AKAP8: variants seen among roughly 807,000 people sequenced by gnomAD.
The protein encoded by AKAP8 is A-kinase anchor protein 8.
Under a neutral mutation model 67.5 loss-of-function variants are expected in AKAP8, and 24 were observed. The observed-to-expected ratio is 0.36, with a 90% CI of 0.26 to 0.50. AKAP8 has a LOEUF of 0.50. Among genes scored for constraint, AKAP8 ranks in the 20% least tolerant of loss-of-function variants. The probability of loss-of-function intolerance (pLI) is 0.97; values close to 1 mark genes in which losing one functional copy is unlikely to be tolerated. For missense variants in AKAP8, 971 were observed against 955.9 expected, an observed-to-expected ratio of 1.02 and a Z score of -0.21; for synonymous variants, 400 against 371.1, an observed-to-expected ratio of 1.08 and a Z score of -0.90.
chr19:15,360,149 A>C (rs1240517529), intron 12 of AKAP8, among the ~76,000 whole-genome samples: 1 of 152,146 alleles, frequency 6.6e-6, no homozygotes, highest in Non-Finnish European at 1.5e-5. Context: ...AAAACAAAAA[A>C]ACAAAAACGT....
At chr19:15,365,806 T>C (rs1599563127) in intron 9 of AKAP8, among the ~76,000 whole-genome samples, 3 of 152,116 alleles carry the variant, frequency 2.0e-5, no homozygotes, top group Non-Finnish European at 2.9e-5. Context: ...GTGGATCACC[T>C]GAGGTCAGGA....
Position 15,369,814 on chromosome 19 carries a change from GCA to G in AKAP8, c.1072+330_1072+331del, listed in dbSNP as rs960925526. Among the ~76,000 whole-genome samples, 1 of 152,206 alleles carries G rather than the reference GCA, an allele frequency of 6.6e-6. No homozygotes were observed. Among genetic ancestry groups the G allele is most frequent in the African/African-American group, 2.4e-5 (1 of 41,448 alleles). The stretch of plus-strand genomic sequence containing the variant: ...CAGGGAAATGCACTGGCCGAGGAGG[GCA>G]CAGAAGATGGGCTGGGGGCCTCTTC... On this transcript the variant is annotated intron_variant, in intron 8 of 13. Coordinates refer to ENST00000269701, the MANE Select transcript of AKAP8 (RefSeq NM_005858.4). This position sits in a 1 kb window ranked among gnomAD's most constrained non-coding sequence, Gnocchi z 4.6.
At chr19:15,358,465 G>A (rs1188050940) in intron 13 of AKAP8, among the ~76,000 whole-genome samples, 1 of 151,634 alleles carries the variant, frequency 6.6e-6, no homozygotes, top group Non-Finnish European at 1.5e-5. Context: ...TCCTGCCTCA[G>A]CCTCCCAAAC....
intron 13 of AKAP8, among the ~76,000 whole-genome samples, chr19:15,357,058 AAG>A: frequency 6.6e-6 from 1 of 151,994 alleles, no homozygotes; most frequent in Non-Finnish European, 1.5e-5. Context: ...TCCCGGATTC[AAG>A]CAATTCACTG....
intron 2 of AKAP8, among the ~76,000 whole-genome samples, chr19:15,375,958 T>C (rs1282580775): frequency 6.9e-6 from 1 of 145,102 alleles, no homozygotes; most frequent in Non-Finnish European, 1.5e-5. Context: ...TGAGACAGGG[T>C]CGTGCTCTGT....
At chr19:15,377,964 G>C (rs928890462) in intron 1 of AKAP8, among the ~76,000 whole-genome samples, 7 of 152,164 alleles carry the variant, frequency 4.6e-5, no homozygotes, top group African/African-American at 1.7e-4. Context: ...CCAGCACTGA[G>C]CTGCGCGCGG....
rs576285040 is a variant in AKAP8 at position 15,355,223 on chromosome 19, C to T, written c.1771G>A (p.Gly591Arg). Reference protein sequence around the residue: ...VITAAVRAVDGEGAPAPESSG... With the variant: ...VITAAVRAVDREGAPAPESSG... Reference sequence around the variant, plus strand: ...CTCTCTGGAGCGGGCGCTCCTTCCCCATCTACGGCCCTCACTGCTGCTGTA... The same window carrying T: ...CTCTCTGGAGCGGGCGCTCCTTCCCTATCTACGGCCCTCACTGCTGCTGTA... The change falls in exon 14 of 14, where the codon GGG becomes AGG. Residue 591 changes from glycine (G) to arginine (R), a missense_variant. Transcript: ENST00000269701. 5 of 1,611,452 alleles carry T rather than the reference C, an allele frequency of 3.1e-6. No individual in the cohort carries two copies. The highest frequency in any genetic ancestry group is 2.2e-5 in the East Asian group (1 of 44,886).
intron 7 of AKAP8, 91 bp downstream of exon 7, chr19:15,371,861 T>A (rs1055571094): frequency 6.4e-6 from 9 of 1,407,668 alleles, no homozygotes; most frequent in Non-Finnish European, 9.9e-7. Flanking sequence ...AAATCTACCA[T>A]GGCAGCTGCT....
rs926265566 is a variant in AKAP8, at chr19:15,369,603, G to A, written c.1072+543C>T. On this transcript the variant is annotated intron_variant, in intron 8 of 13. Transcript: ENST00000269701. The surrounding 1 kb of genome is among the most constrained non-coding windows in gnomAD (Gnocchi z 4.6). ...GACATGAAGAGACCTGCTGAAGGGC[G>A]CCCGCCTCTCAAAGACCCAGTGGGC... Among the ~76,000 whole-genome samples, 2 of 152,148 alleles carry A rather than the reference G, an allele frequency of 1.3e-5. No individual in the cohort carries two copies. The highest frequency in any genetic ancestry group is 2.9e-5 in the Non-Finnish European group (2 of 68,006).
intron 9 of AKAP8, among the ~76,000 whole-genome samples, chr19:15,363,068 GACCCTCT>G (rs1967000471): frequency 6.6e-6 from 1 of 151,356 alleles, no homozygotes; most frequent in Non-Finnish European, 1.5e-5. Context: ...GAAGTGAGGA[GACCCTCT>G]GCCTGGCAAC....
chr19:15,371,918 C>T (rs1313866223), intron 7 of AKAP8, 34 bp downstream of exon 7: 1 of 1,611,734 alleles, frequency 6.2e-7, no homozygotes, highest in Admixed American at 1.7e-5. Context: ...AGAAATCCCA[C>T]ACTAGAGGCA....
At chr19:15,365,152 T>C (rs1568425711) in intron 9 of AKAP8, among the ~76,000 whole-genome samples, 1 of 152,172 alleles carries the variant, frequency 6.6e-6, no homozygotes, top group Non-Finnish European at 1.5e-5. Context: ...GGCTGGCAGC[T>C]CTTGGGGCCC....
At chr19:15,362,940 T>C (rs1966997183) in intron 9 of AKAP8, among the ~76,000 whole-genome samples, 1 of 149,790 alleles carries the variant, frequency 6.7e-6, no homozygotes, top group Admixed American at 6.6e-5. Flanking sequence ...CGCCATCACA[T>C]CTGGGAAGTG....
intron 12 of AKAP8, among the ~76,000 whole-genome samples, chr19:15,360,068 G>T (rs1966941067): frequency 6.6e-6 from 1 of 152,006 alleles, no homozygotes; most frequent in African/African-American, 2.4e-5. Flanking sequence ...CTGGGAGGCA[G>T]AAGTTGCAGT....
chr19:15,369,037 T>A lies in AKAP8; in HGVS notation c.1073-715A>T, dbSNP rs1199316495. ...GCCAGGGACGGACGCTGAAAAAAGG[T>A]TGGAGAAGCATCTGAACTGTAACCC... is the stretch of plus-strand genomic sequence containing the variant. On this transcript the variant is annotated intron_variant, in intron 8 of 13. Coordinates refer to ENST00000269701, the MANE Select transcript of AKAP8 (RefSeq NM_005858.4). This position sits in a 1 kb window ranked among gnomAD's most constrained non-coding sequence, Gnocchi z 4.6. The A allele has an allele frequency of 2.0e-6, 2 of 985,556 alleles. No homozygotes were observed. The highest frequency in any genetic ancestry group is 2.4e-6 in the Non-Finnish European group (2 of 830,158). The allele number at this position is 985,556 out of a possible 1,614,324, so 61.1% of individuals were successfully genotyped here. A position where few individuals can be genotyped will look rare whatever the true frequency, so the allele number is the denominator to read the frequency against.
At chr19:15,379,597 C>T (rs1479223007) in intron 1 of AKAP8, 116 bp downstream of exon 1, 2 of 1,268,818 alleles carry the variant, frequency 1.6e-6, no homozygotes, top group Non-Finnish European at 2.1e-6. Context: ...TCCGGAGGGC[C>T]CAGCTGGGGC....
chr19:15,361,826 G>C lies in AKAP8; in HGVS notation c.1303-4C>G, dbSNP rs780738358. On this transcript the variant is annotated splice_polypyrimidine_tract_variant and splice_region_variant and intron_variant, in intron 10 of 13. Transcript: ENST00000269701. Reference sequence around the variant, plus strand: ...TATTTCTGTTTACAATGTATTCCTAGGTGGGATTGGAGAGGGCATAAAGTA... The same window carrying C: ...TATTTCTGTTTACAATGTATTCCTACGTGGGATTGGAGAGGGCATAAAGTA... The C allele has an allele frequency of 2.3e-5, 37 of 1,611,648 alleles. No homozygotes were observed. The South Asian group carries it at 4.0e-4, about 17-fold the overall frequency.
Position 15,372,959 on chromosome 19 carries a change from G to C in AKAP8, c.753C>G (p.Ser251=). 1 of 1,556,460 alleles carries C rather than the reference G, an allele frequency of 6.4e-7. No homozygotes were observed. The highest frequency in any genetic ancestry group is 8.7e-7 in the Non-Finnish European group (1 of 1,151,436). Residue 251 remains serine, a synonymous_variant, in exon 5 of 14, where the codon TCC becomes TCG. Transcript: ENST00000269701. ...CCATCACGCCGTAGTCGGGAGCCAT[G>C]GACTGGGAGAAGAGGGACGGAGGTG... ...SRPPPSLFSQ[S]MAPDYGVMGM...
rs753715966 is a variant in AKAP8 at position 15,373,332 on chromosome 19, C to A, written c.380G>T (p.Arg127Leu). 4 of 1,605,874 alleles carry A rather than the reference C, an allele frequency of 2.5e-6. No individual in the cohort carries two copies. The highest frequency in any genetic ancestry group is 3.4e-6 in the Non-Finnish European group (4 of 1,175,888). The part of the protein sequence containing the change: ...EGIQDRESSF[R>L]FQPFESYDSR... ...GTCATAGGACTCGAACGGCTGGAAGCGGAAGGAGCTGCAACAGAAGCACAG... is the reference window on the plus strand; with the variant it reads ...GTCATAGGACTCGAACGGCTGGAAGAGGAAGGAGCTGCAACAGAAGCACAG... The change falls in exon 5 of 14, where the codon CGC becomes CTC. Residue 127 changes from arginine to leucine, a missense_variant. Physicochemically the swap from Arg to Leu is moderately radical, Grantham distance 102. Around this residue, in one of 3 missense-constraint regions of AKAP8, gnomAD observed 763 missense variants for 745.4 expected, o/e 1.02. Transcript: ENST00000269701.
Sources: allele counts gnomAD v4.1 joint callset (sites outside exome capture counted in the v4.1 genomes callset), GRCh38; gene constraint gnomAD v4.1.1; regional missense constraint gnomAD v4.1.1; non-coding constraint Gnocchi (gnomAD v3.1); transcripts MANE v1.5; gene names NCBI Gene and HGNC (gene_info 2026-07-23, HGNC 2026-07-21).